RPS6KC1: variants seen among roughly 807,000 people sequenced by gnomAD.
RPS6KC1 encodes inactive ribosomal protein S6 kinase delta-1.
In RPS6KC1, 54 loss-of-function variants were observed where a neutral mutation model predicts 103.8. That is an observed-to-expected ratio of 0.52 (90% CI 0.42 to 0.65). The LOEUF is 0.65. RPS6KC1 is among the 30% of genes least tolerant of loss of function. The probability of loss-of-function intolerance (pLI) is 0.00; values close to 1 mark genes in which losing one functional copy is unlikely to be tolerated. For missense variants in RPS6KC1, 1,151 were observed against 1,253.8 expected, an observed-to-expected ratio of 0.92 and a Z score of 1.24; for synonymous variants, 439 against 438.7, an observed-to-expected ratio of 1.00 and a Z score of -0.01.
chr1:213,261,542 T>C lies in RPS6KC1; in HGVS notation c.2912-16T>C. The C allele has an allele frequency of 3.7e-6, 6 of 1,611,136 alleles. No individual in the cohort carries two copies. The highest frequency in any genetic ancestry group is 1.7e-4 in the Middle Eastern group (1 of 6,056). On this transcript the variant is annotated splice_polypyrimidine_tract_variant and intron_variant, in intron 12 of 14. Transcript: ENST00000366960. ...ACCTTTGGAATTTTAATATCAACCT[T>C]TTTTGGTGTGGTTAGAGGTTGGAGC...
the RPS6KC1 span, among the ~76,000 whole-genome samples, chr1:213,360,651 A>T: frequency 6.6e-6 from 1 of 151,996 alleles, no homozygotes; most frequent in East Asian, 1.9e-4. Context: ...TAGAATTTTC[A>T]GTTTTTTCTG....
the RPS6KC1 span, among the ~76,000 whole-genome samples, chr1:213,590,926 A>C: frequency 6.6e-6 from 1 of 152,072 alleles, no homozygotes; most frequent in Non-Finnish European, 1.5e-5. Context: ...CCTGAGCAAA[A>C]CTTGGAAGAG....
the RPS6KC1 span, among the ~76,000 whole-genome samples, chr1:213,623,437 G>A: frequency 4.6e-5 from 7 of 152,104 alleles, no homozygotes; most frequent in Admixed American, 3.9e-4. Flanking sequence ...CCCTGCCCTC[G>A]AGGGATGCCG....
At chr1:213,401,699 C>T in the RPS6KC1 span, among the ~76,000 whole-genome samples, 1 of 152,224 alleles carries the variant, frequency 6.6e-6, no homozygotes, top group Non-Finnish European at 1.5e-5. Context: ...GCTGCGATGG[C>T]ATCCCTGAGC....
At chr1:213,629,575 C>A in the RPS6KC1 span, among the ~76,000 whole-genome samples, 4 of 152,040 alleles carry the variant, frequency 2.6e-5, no homozygotes, top group African/African-American at 9.7e-5. Context: ...AGCATTTAGC[C>A]CATTTACATT....
At chr1:213,262,253 C>T (rs959942531) in intron 13 of RPS6KC1, among the ~76,000 whole-genome samples, 2 of 152,124 alleles carry the variant, frequency 1.3e-5, no homozygotes, top group African/African-American at 2.4e-5. Flanking sequence ...CATCTACCTA[C>T]GTGTGTAGAT....
At chr1:213,158,458 T>G (rs1213526807) in intron 6 of RPS6KC1, among the ~76,000 whole-genome samples, 1 of 152,222 alleles carries the variant, frequency 6.6e-6, no homozygotes, top group Non-Finnish European at 1.5e-5. Context: ...AACTCTCATT[T>G]AAGTTGTTAT....
At chr1:213,780,244 C>T in the RPS6KC1 span, among the ~76,000 whole-genome samples, 10 of 152,150 alleles carry the variant, frequency 6.6e-5, no homozygotes, top group African/African-American at 1.7e-4. Context: ...GCTTGACCCC[C>T]GGGTAGGTAT....
rs79882581 is a variant in RPS6KC1 at position 213,238,272 on chromosome 1, G to A, written c.1226-2430G>A. Among the ~76,000 whole-genome samples the A allele has an allele frequency of 9.2e-3, 1,404 of 152,220 alleles. 44 individuals are homozygous for A. Among genetic ancestry groups the A allele is most frequent in the East Asian group, 0.07 (365 of 5,178 alleles). On this transcript the variant is annotated intron_variant, in intron 10 of 14. Transcript: ENST00000366960. The stretch of plus-strand genomic sequence containing the variant: ...AGAACAGATTCTGAAGGACCTTCAA[G>A]AATAGGTAAGATTTTCACAAGTGGA...
At chr1:213,443,003 CTT>C in the RPS6KC1 span, among the ~76,000 whole-genome samples, 1 of 151,170 alleles carries the variant, frequency 6.6e-6, no homozygotes, top group East Asian at 1.9e-4. Flanking sequence ...TGGGGTGTCT[CTT>C]TATCCTCCTG....
At chr1:213,539,501 A>G in the RPS6KC1 span, among the ~76,000 whole-genome samples, 2 of 152,224 alleles carry the variant, frequency 1.3e-5, no homozygotes, top group Non-Finnish European at 2.9e-5. Context: ...GTCCTGCTCC[A>G]GACTGGGCTC....
the RPS6KC1 span, among the ~76,000 whole-genome samples, chr1:213,389,768 A>G: frequency 9.9e-5 from 15 of 152,082 alleles, no homozygotes; most frequent in Non-Finnish European, 2.1e-4. Context: ...CTGCCCCTCA[A>G]TAGCATACAG....
chr1:213,131,053 A>AGG (rs542856606), intron 6 of RPS6KC1, among the ~76,000 whole-genome samples: 1 of 151,992 alleles, frequency 6.6e-6, no homozygotes, highest in African/African-American at 2.4e-5. Flanking sequence ...GAGTTTCTGG[A>AGG]GGGAGAATAG....
chr1:213,601,647 C>T, the RPS6KC1 span, among the ~76,000 whole-genome samples: 2 of 151,876 alleles, frequency 1.3e-5, no homozygotes, highest in Non-Finnish European at 1.5e-5. Context: ...CCTCACGTGG[C>T]TTCCTGAGGA....
chr1:213,236,211 C>G (rs1460795032), intron 10 of RPS6KC1, among the ~76,000 whole-genome samples: 2 of 152,132 alleles, frequency 1.3e-5, no homozygotes, highest in African/African-American at 4.8e-5. Flanking sequence ...TCCCCATCCA[C>G]GGAAAAATTG....
chr1:213,509,585 C>G, the RPS6KC1 span, among the ~76,000 whole-genome samples: 1 of 152,176 alleles, frequency 6.6e-6, no homozygotes, highest in East Asian at 1.9e-4. Context: ...AGTCTTTACA[C>G]TTCACATAAC....
At chr1:213,158,155 A>G (rs1170875241) in intron 6 of RPS6KC1, among the ~76,000 whole-genome samples, 2 of 152,140 alleles carry the variant, frequency 1.3e-5, no homozygotes, top group Non-Finnish European at 2.9e-5. Flanking sequence ...ATGTTTATGT[A>G]CACTTAATGT....
the RPS6KC1 span, among the ~76,000 whole-genome samples, chr1:213,709,383 A>G: frequency 1.3e-5 from 2 of 152,068 alleles, no homozygotes; most frequent in Non-Finnish European, 2.9e-5. Context: ...ATTCTGTGGG[A>G]TCAATGGTGA....
At chr1:213,134,217 G>T (rs908791716) in intron 6 of RPS6KC1, among the ~76,000 whole-genome samples, 1 of 151,928 alleles carries the variant, frequency 6.6e-6, no homozygotes, top group Non-Finnish European at 1.5e-5. Context: ...TAGATTTGCT[G>T]CCATAGTTAT....
Sources: allele counts gnomAD v4.1 joint callset (sites outside exome capture counted in the v4.1 genomes callset), GRCh38; gene constraint gnomAD v4.1.1; transcripts MANE v1.5; gene names NCBI Gene and HGNC (gene_info 2026-07-23, HGNC 2026-07-21).